FKBP5: variants seen among roughly 807,000 people sequenced by gnomAD.
FKBP5 encodes the protein FKBP prolyl isomerase 5.
In FKBP5, 23 loss-of-function variants were observed where a neutral mutation model predicts 50.5. The ratio of observed to expected loss-of-function variants is 0.46; its 90% CI spans 0.33 to 0.65. The LOEUF is 0.65. Ranked by LOEUF, FKBP5 falls within the 30% of genes least tolerant of loss-of-function variation. The pLI, the probability that FKBP5 is intolerant of heterozygous loss-of-function variation, is 0.02. For missense variants in FKBP5, 411 were observed against 553.1 expected, an observed-to-expected ratio of 0.74 and a Z score of 2.58; for synonymous variants, 176 against 190.6, an observed-to-expected ratio of 0.92 and a Z score of 0.63.
chr6:35,580,228 TA>T lies in FKBP5; in HGVS notation c.841-8del. ...CCTGCATGTATTTGCCTCCCTAGGA[TA>T]AAAAAGCGTCATTACTTGTACTCAG... is the stretch of plus-strand genomic sequence containing the variant. On this transcript the variant is annotated splice_region_variant and splice_polypyrimidine_tract_variant and intron_variant, in intron 8 of 10. Transcript: ENST00000357266. 4 of 1,606,056 alleles carry T rather than the reference TA, an allele frequency of 2.5e-6. No homozygotes were observed. The highest frequency in any genetic ancestry group is 2.6e-6 in the Non-Finnish European group (3 of 1,175,174).
intron 3 of FKBP5, among the ~76,000 whole-genome samples, chr6:35,636,089 G>C (rs1204339425): frequency 6.6e-6 from 1 of 152,100 alleles, no homozygotes; most frequent in African/African-American, 2.4e-5. Context: ...GTAACATCTT[G>C]CATTGGTCAC....
At chr6:35,645,649 G>GT (rs1764609548) in intron 1 of FKBP5, among the ~76,000 whole-genome samples, 1 of 152,176 alleles carries the variant, frequency 6.6e-6, no homozygotes, top group Non-Finnish European at 1.5e-5. Context: ...TAGTATTATG[G>GT]TTTTATGCAG....
At chr6:35,669,321 T>A (rs1467337644) in intron 1 of FKBP5, among the ~76,000 whole-genome samples, 1 of 152,216 alleles carries the variant, frequency 6.6e-6, no homozygotes, top group Non-Finnish European at 1.5e-5. Context: ...TATAGCTGAA[T>A]ACATACAATA....
chr6:35,726,536 CCACACACA>C (rs10599241), intron 1 of FKBP5, among the ~76,000 whole-genome samples: 5,639 of 139,328 alleles, frequency 0.04, 271 homozygotes, highest in African/African-American at 0.11. Context: ...TCCTCCTCCT[CCACACACA>C]CACACACACA....
At chr6:35,706,569 A>T (rs1188139148) in intron 2 of FKBP5, among the ~76,000 whole-genome samples, 1 of 152,236 alleles carries the variant, frequency 6.6e-6, no homozygotes. Flanking sequence ...TTGATAATAT[A>T]CAGTATAGGT....
intron 9 of FKBP5, 79 bp downstream of exon 9, chr6:35,579,957 G>A: frequency 1.8e-6 from 2 of 1,101,796 alleles, no homozygotes; most frequent in Non-Finnish European, 1.3e-6. Context: ...GCAACCTTTG[G>A]CTGAGAGGAA....
chr6:35,620,638 T>A (rs1763804729), intron 3 of FKBP5, among the ~76,000 whole-genome samples: 1 of 150,996 alleles, frequency 6.6e-6, no homozygotes, highest in Non-Finnish European at 1.5e-5. Context: ...TCCCAGCTAC[T>A]CCGGAGGCTG....
chr6:35,586,226 T>C (rs1762593947), intron 8 of FKBP5: 1 of 984,964 alleles, frequency 1.0e-6, no homozygotes, highest in Non-Finnish European at 1.2e-6. Flanking sequence ...TCTTTTTTTC[T>C]TACATCTAGA....
At chr6:35,626,305 G>A (rs1763997460) in intron 3 of FKBP5, among the ~76,000 whole-genome samples, 1 of 152,060 alleles carries the variant, frequency 6.6e-6, no homozygotes, top group Non-Finnish European at 1.5e-5. Context: ...TAAAAGCAAT[G>A]CATTATACTT....
chr6:35,601,073 G>C (rs1763131714), intron 5 of FKBP5, among the ~76,000 whole-genome samples: 1 of 152,200 alleles, frequency 6.6e-6, no homozygotes, highest in African/African-American at 2.4e-5. Flanking sequence ...GACAGAACTA[G>C]TGTCTGATGC....
rs538592556 is a variant in FKBP5 at position 35,673,352 on chromosome 6, C to G, written c.-20+15452G>C. Among the ~76,000 whole-genome samples, 5 of 152,218 alleles carry G rather than the reference C, an allele frequency of 3.3e-5. No homozygotes were observed. In the East Asian group the frequency reaches 7.7e-4, roughly 24 times the overall value. The stretch of plus-strand genomic sequence containing the variant: ...ATCACTTGAGGCCAGGAGTTCAAGA[C>G]CAGCCTAGGCAACAGAGTGAGACCC... On this transcript the variant is annotated intron_variant, in intron 1 of 10. Coordinates refer to ENST00000357266, the MANE Select transcript of FKBP5 (RefSeq NM_004117.4).
At chr6:35,707,178 A>G (rs760853079) in intron 2 of FKBP5, among the ~76,000 whole-genome samples, 3 of 148,250 alleles carry the variant, frequency 2.0e-5, no homozygotes, top group Admixed American at 6.7e-5. Flanking sequence ...TACTTGAACT[A>G]CTTTCATAAT....
intron 2 of FKBP5, among the ~76,000 whole-genome samples, chr6:35,704,198 A>G (rs1000747670): frequency 6.6e-6 from 1 of 152,168 alleles, no homozygotes; most frequent in Non-Finnish European, 1.5e-5. Flanking sequence ...TCCACACTGC[A>G]GTTTATACTT....
chr6:35,597,187 A>T (rs2150964146), intron 6 of FKBP5, 61 bp downstream of exon 6: 1 of 1,565,482 alleles, frequency 6.4e-7, no homozygotes, highest in South Asian at 1.2e-5. Context: ...TGAATGAAAA[A>T]GCAAGCATAT....
In FKBP5 at chr6:35,576,782, G is replaced by T. The variant is rs576073711; in HGVS notation, c.1266+212C>A. Among the ~76,000 whole-genome samples, 18 of 152,148 alleles carry T rather than the reference G, an allele frequency of 1.2e-4. No homozygotes were observed. In the East Asian group the frequency reaches 3.5e-3, roughly 29 times the overall value. Reference sequence around the variant, plus strand: ...TTGAACCAATCTAATACATCTGAAGGGAATTTAGTTTTCTCATCTCTCATG... The same window carrying T: ...TTGAACCAATCTAATACATCTGAAGTGAATTTAGTTTTCTCATCTCTCATG... On this transcript the variant is annotated intron_variant, in intron 10 of 10. Transcript: ENST00000357266.
intron 1 of FKBP5, among the ~76,000 whole-genome samples, chr6:35,646,751 G>A (rs772791747): frequency 2.0e-5 from 3 of 152,236 alleles, no homozygotes; most frequent in East Asian, 1.9e-4. Flanking sequence ...GTCCAAAGGC[G>A]GAAAATTGCT....
At chr6:35,687,209 A>C (rs1765852789) in intron 1 of FKBP5, among the ~76,000 whole-genome samples, 1 of 152,238 alleles carries the variant, frequency 6.6e-6, no homozygotes, top group African/African-American at 2.4e-5. Flanking sequence ...GAAGAAAAAA[A>C]CTGGGTAACT....
chr6:35,618,381 T>C (rs1403761607), intron 5 of FKBP5, among the ~76,000 whole-genome samples: 1 of 151,468 alleles, frequency 6.6e-6, no homozygotes, highest in Admixed American at 6.6e-5. Context: ...CTGAAACTAT[T>C]TTTTTTTTGG....
intron 1 of FKBP5, among the ~76,000 whole-genome samples, chr6:35,646,440 T>A (rs1764632587): frequency 6.6e-6 from 1 of 152,184 alleles, no homozygotes; most frequent in Admixed American, 6.5e-5. Context: ...CAGATAAAGC[T>A]GGAAGAATAA....
Sources: gnomAD v4.1 joint callset for allele counts (sites outside exome capture counted in the v4.1 genomes callset) on GRCh38, gnomAD v4.1.1 for gene constraint, MANE v1.5 for transcripts, NCBI Gene and HGNC (gene_info 2026-07-23, HGNC 2026-07-21) for gene names.